Variants in CYRIA observed in about 807,000 individuals in gnomAD.
The protein encoded by CYRIA is CYFIP related Rac1 interactor A, also known as CYFIP-related Rac1 interactor A.
A neutral mutation model predicts 43.9 loss-of-function variants in CYRIA; 15 were observed. The ratio of observed to expected loss-of-function variants is 0.34; its 90% CI spans 0.23 to 0.53. CYRIA has a LOEUF of 0.53. Among genes scored for constraint, CYRIA ranks in the 20% least tolerant of loss-of-function variants. The pLI, the probability that CYRIA is intolerant of heterozygous loss-of-function variation, is 0.94. For missense variants in CYRIA, 236 were observed against 394.2 expected (o/e 0.60, Z 3.40); for synonymous variants, 117 against 136.0 (o/e 0.86, Z 0.97).
intron 1 of CYRIA, among the ~76,000 whole-genome samples, chr2:16,664,940 G>A (rs1358569850): frequency 6.6e-6 from 1 of 152,168 alleles, no homozygotes; most frequent in Non-Finnish European, 1.5e-5. Flanking sequence ...CCCCAAAACA[G>A]TGGCTGGGGG....
At chr2:16,599,850 G>A (rs566761315) in intron 2 of CYRIA, among the ~76,000 whole-genome samples, 40 of 152,226 alleles carry the variant, frequency 2.6e-4, no homozygotes, top group African/African-American at 8.9e-4. Flanking sequence ...TCTGCCTCCC[G>A]TGTTCAATCA....
chr2:16,553,093 G>T, intron 11 of CYRIA, 94 bp from the exon 12 acceptor site: 1 of 804,368 alleles, frequency 1.2e-6, no homozygotes. Flanking sequence ...TTGATATTTG[G>T]GCTTATTTCT....
chr2:16,574,719 C>T (rs1667267488), intron 3 of CYRIA, among the ~76,000 whole-genome samples: 1 of 152,162 alleles, frequency 6.6e-6, no homozygotes, highest in African/African-American at 2.4e-5. Context: ...TCTGCAGGTA[C>T]ACAGAAATCA....
chr2:16,649,015 T>G (rs962387922), intron 1 of CYRIA, among the ~76,000 whole-genome samples: 1 of 152,270 alleles, frequency 6.6e-6, no homozygotes, highest in South Asian at 2.1e-4. Flanking sequence ...CAGCCTTTCA[T>G]ATTCACAGTT....
At chr2:16,582,729 T>C (rs560047144) in intron 3 of CYRIA, among the ~76,000 whole-genome samples, 1 of 152,336 alleles carries the variant, frequency 6.6e-6, no homozygotes, top group African/African-American at 2.4e-5. Flanking sequence ...TTGCATTGAA[T>C]TGATATAACA....
chr2:16,604,370 G>A (rs1668313858), intron 2 of CYRIA, among the ~76,000 whole-genome samples: 1 of 152,216 alleles, frequency 6.6e-6, no homozygotes, highest in South Asian at 2.1e-4. Context: ...ATGTCCCACA[G>A]TGCTCTGCAA....
intron 1 of CYRIA, among the ~76,000 whole-genome samples, chr2:16,640,636 C>T (rs1339645327): frequency 6.6e-6 from 1 of 152,198 alleles, no homozygotes; most frequent in Non-Finnish European, 1.5e-5. Flanking sequence ...TCCAGAGCTG[C>T]TTTTGCTCAA....
At chr2:16,648,864 T>C (rs965339332) in intron 1 of CYRIA, among the ~76,000 whole-genome samples, 2 of 152,216 alleles carry the variant, frequency 1.3e-5, no homozygotes, top group African/African-American at 4.8e-5. Flanking sequence ...CCAATAAATA[T>C]TGATACCAGA....
At chr2:16,556,196 T>C (rs1666513294) in intron 10 of CYRIA, among the ~76,000 whole-genome samples, 1 of 152,120 alleles carries the variant, frequency 6.6e-6, no homozygotes, top group African/African-American at 2.4e-5. Context: ...TCTTACGGCC[T>C]GATAGACCCT....
At chr2:16,629,924 T>C (rs1211376839) in intron 1 of CYRIA, among the ~76,000 whole-genome samples, 2 of 152,174 alleles carry the variant, frequency 1.3e-5, no homozygotes, top group East Asian at 3.9e-4. Context: ...CCACCCAGCA[T>C]GCAGCCTTCC....
At chr2:16,646,671 G>A (rs2103542247) in intron 1 of CYRIA, among the ~76,000 whole-genome samples, 1 of 152,092 alleles carries the variant, frequency 6.6e-6, no homozygotes, top group East Asian at 1.9e-4. Flanking sequence ...CCAGATATTT[G>A]GTTAAACATT....
intron 1 of CYRIA, among the ~76,000 whole-genome samples, chr2:16,626,247 C>T (rs764568384): frequency 2.6e-5 from 4 of 152,168 alleles, no homozygotes; most frequent in African/African-American, 7.2e-5. Flanking sequence ...TAAGCCATCA[C>T]ATACTGGTTC....
At chr2:16,590,651 G>T (rs529089273) in intron 2 of CYRIA, among the ~76,000 whole-genome samples, 221 of 152,056 alleles carry the variant, frequency 1.5e-3, no homozygotes, top group Non-Finnish European at 2.6e-3. Context: ...CTCTTCAAAA[G>T]GTTATCTCAG....
intron 8 of CYRIA, 38 bp from the exon 9 acceptor site, chr2:16,561,107 C>A (rs377025656): frequency 1.2e-6 from 2 of 1,610,488 alleles, no homozygotes; most frequent in Non-Finnish European, 8.5e-7. Flanking sequence ...GTCCTGCTTG[C>A]AGCTCTTGTG....
chr2:16,564,182 C>T (rs1213662238), intron 4 of CYRIA, 88 bp from the exon 5 acceptor site: 3 of 1,022,946 alleles, frequency 2.9e-6, no homozygotes, highest in Non-Finnish European at 4.4e-6. Flanking sequence ...AAATACAATC[C>T]TTGCTATACT....
intron 2 of CYRIA, among the ~76,000 whole-genome samples, chr2:16,599,199 T>G (rs1668108334): frequency 6.6e-4 from 1 of 1,522 alleles, no homozygotes; most frequent in Non-Finnish European, 1.3e-3. Context: ...GTCTGTGCCC[T>G]GCCCCCAGAG....
At chr2:16,652,246 T>C (rs1669995127) in intron 1 of CYRIA, among the ~76,000 whole-genome samples, 1 of 152,136 alleles carries the variant, frequency 6.6e-6, no homozygotes, top group Non-Finnish European at 1.5e-5. Flanking sequence ...AGCTCTTACC[T>C]ACCCCCCTCA....
intron 2 of CYRIA, among the ~76,000 whole-genome samples, chr2:16,610,448 A>G (rs1356931826): frequency 6.6e-6 from 1 of 152,240 alleles, no homozygotes; most frequent in Non-Finnish European, 1.5e-5. Context: ...AACTCATAGC[A>G]AATTGTGTCT....
chr2:16,663,327 C>A (rs150021967), intron 1 of CYRIA, among the ~76,000 whole-genome samples: 155 of 152,278 alleles, frequency 1.0e-3, no homozygotes, highest in Non-Finnish European at 1.7e-3. Flanking sequence ...TTCTCAGGAC[C>A]AACATTTGAC....
Sources: gnomAD v4.1 joint callset for allele counts (sites outside exome capture counted in the v4.1 genomes callset) on GRCh38, gnomAD v4.1.1 for gene constraint, MANE v1.5 for transcripts, NCBI Gene and HGNC (gene_info 2026-07-23, HGNC 2026-07-21) for gene names.